The following CEACAM20 variants were observed in gnomAD, a reference collection of about 807,000 sequenced individuals.
The protein encoded by CEACAM20 is CEA cell adhesion molecule 20.
In CEACAM20, 50 loss-of-function variants were observed where a neutral mutation model predicts 61.2. That is an observed-to-expected ratio of 0.82 (90% CI 0.65 to 1.03). The LOEUF (loss-of-function observed/expected upper bound fraction) is 1.03. Ranked by LOEUF, CEACAM20 falls within the 50% of genes least tolerant of loss-of-function variation. The probability of loss-of-function intolerance (pLI) is 0.00; values close to 1 mark genes in which losing one functional copy is unlikely to be tolerated. For missense variants in CEACAM20, 683 were observed against 736.4 expected (o/e 0.93, Z 0.84); for synonymous variants, 282 against 287.7 (o/e 0.98, Z 0.20).
Position 44,517,079 on chromosome 19 carries a change from G to A in CEACAM20, c.1176C>T (p.Ser392=). 2 of 1,609,986 alleles carry A rather than the reference G, an allele frequency of 1.2e-6. No homozygotes were observed. Among genetic ancestry groups the A allele is most frequent in the South Asian group, 1.1e-5 (1 of 90,158 alleles). Residue 392 remains serine (S), a synonymous_variant, in exon 6 of 12, where the codon TCC becomes TCT. Coordinates refer to ENST00000614924, the MANE Select transcript of CEACAM20 (RefSeq NM_001102597.3). The part of the protein sequence containing the change: ...GAEYRWTLEH[S]TGEHLGEQLI... The stretch of plus-strand genomic sequence containing the variant: ...GCTGCTCACCCAGGTGCTCCCCGGT[G>A]GAGTGTTCAAGAGTCCAGCGATACT...
intron 6 of CEACAM20, 105 bp from the exon 7 acceptor site, chr19:44,513,394 A>C: frequency 3.0e-6 from 2 of 673,438 alleles, no homozygotes; most frequent in South Asian, 2.2e-5. Context: ...TTTTGTGAGC[A>C]CTTGTTTTCC....
intron 1 of CEACAM20, among the ~76,000 whole-genome samples, chr19:44,525,766 G>A (rs1313321932): frequency 6.6e-6 from 1 of 152,134 alleles, no homozygotes; most frequent in Non-Finnish European, 1.5e-5. Context: ...TCCTCTCTGA[G>A]CCTCAATCTC....
At chr19:44,529,349 CGA>C (rs1971639784) in intron 1 of CEACAM20, 107 bp downstream of exon 1, 4 of 950,076 alleles carry the variant, frequency 4.2e-6, no homozygotes, top group African/African-American at 2.3e-5. Context: ...TCTTTTTCCT[CGA>C]GTGCACACAC....
At chr19:44,518,121 AG>A (rs1339283427) in intron 5 of CEACAM20, among the ~76,000 whole-genome samples, 10 of 72,462 alleles carry the variant, frequency 1.4e-4, no homozygotes, top group Admixed American at 5.4e-4. Context: ...GAAGGAAGGA[AG>A]GAAGGAAGGA....
At chr19:44,525,357 A>G in intron 1 of CEACAM20, 113 bp from the exon 2 acceptor site, 2 of 975,258 alleles carry the variant, frequency 2.1e-6, no homozygotes, top group Non-Finnish European at 3.0e-6. Context: ...CATTCCACCC[A>G]CAGAGACCTG....
chr19:44,512,972 C>T lies in CEACAM20; in HGVS notation c.1428-19G>A. ...TGAGGGCCTGAAACCCCAAAGCCCTCATTATTCTGTGCCTCTAGTCCTTGC... is the reference window on the plus strand; with the variant it reads ...TGAGGGCCTGAAACCCCAAAGCCCTTATTATTCTGTGCCTCTAGTCCTTGC... On this transcript the variant is annotated intron_variant, in intron 7 of 11. Transcript: ENST00000614924. 1 of 1,597,608 alleles carries T rather than the reference C, an allele frequency of 6.3e-7. No individual in the cohort carries two copies. Among genetic ancestry groups the T allele is most frequent in the East Asian group, 2.2e-5 (1 of 44,676 alleles).
In CEACAM20 at chr19:44,513,244, A is replaced by G. The variant is rs1971059167; in HGVS notation, c.1355T>C (p.Val452Ala). Residue 452 changes from valine (V) to alanine (A), a missense_variant, in exon 7 of 12, where the codon GTC becomes GCC. Val to Ala is a moderately conservative substitution (Grantham distance 64, BLOSUM62 0). Transcript: ENST00000614924. ...AGCAATGACAGCCAGGATCCCGATGACAATACCAGCGATGGCCCCTGAGGA... is the reference window on the plus strand; with the variant it reads ...AGCAATGACAGCCAGGATCCCGATGGCAATACCAGCGATGGCCCCTGAGGA... Reference protein sequence around the residue: ...SLSSGAIAGIVIGILAVIAVA... With the variant: ...SLSSGAIAGIAIGILAVIAVA... The G allele has an allele frequency of 1.9e-6, 3 of 1,613,858 alleles. No individual in the cohort carries two copies. Among genetic ancestry groups the G allele is most frequent in the Non-Finnish European group, 2.5e-6 (3 of 1,179,846 alleles).
chr19:44,524,236 G>A lies in CEACAM20; in HGVS notation c.222C>T (p.Val74=). The A allele has an allele frequency of 6.2e-7, 1 of 1,613,640 alleles. No individual in the cohort carries two copies. The highest frequency in any genetic ancestry group is 8.5e-7 in the Non-Finnish European group (1 of 1,179,706). The change falls in exon 3 of 12, where the codon GTC becomes GTT. Residue 74 remains valine (V), a synonymous_variant. Coordinates refer to ENST00000614924, the MANE Select transcript of CEACAM20 (RefSeq NM_001102597.3). ...TCTGCTCTATGGCAGTGCCTGGGCTGACTGCAATGGAGGGTTTGGCCAGCT... is the reference window on the plus strand; with the variant it reads ...TCTGCTCTATGGCAGTGCCTGGGCTAACTGCAATGGAGGGTTTGGCCAGCT... ...SRELAKPSIA[V]SPGTAIEQKD... is the part of the protein sequence containing the mutation.
At position 44,512,088 on chromosome 19, in the gene CEACAM20, G is replaced by T; in HGVS notation, c.1514-10C>A. On this transcript the variant is annotated splice_polypyrimidine_tract_variant and intron_variant, in intron 8 of 11. Coordinates refer to ENST00000614924, the MANE Select transcript of CEACAM20 (RefSeq NM_001102597.3). ...TCAGGACTCAGGCTTTCTAGAAAAA[G>T]TGAATCTCAGTCAGGAGCTGGAGTT... 6.2e-7 allele frequency: 1 copy of T among 1,600,426 alleles called. No homozygotes were observed. Among genetic ancestry groups the T allele is most frequent in the Admixed American group, 1.7e-5 (1 of 58,064 alleles).
At chr19:44,528,696 A>G (rs1472795489) in intron 1 of CEACAM20, among the ~76,000 whole-genome samples, 1 of 151,288 alleles carries the variant, frequency 6.6e-6, no homozygotes, top group African/African-American at 2.4e-5. Context: ...ACAAACACAC[A>G]TCTTTGTCTT....
chr19:44,512,784 TG>T (rs1425353183), intron 8 of CEACAM20, 83 bp downstream of exon 8: 1 of 1,084,252 alleles, frequency 9.2e-7, no homozygotes, highest in Non-Finnish European at 1.4e-6. Context: ...AGTGACCTGG[TG>T]GCAAAGCTGG....
Position 44,524,297 on chromosome 19 carries a change from A to G in CEACAM20, c.197-36T>C, listed in dbSNP as rs756947374. The G allele has an allele frequency of 1.8e-5, 29 of 1,581,860 alleles. 2 individuals carry two copies. In the South Asian group the frequency reaches 3.0e-4, roughly 17 times the overall value. On this transcript the variant is annotated intron_variant, in intron 2 of 11. Transcript: ENST00000614924. Reference sequence around the variant, plus strand: ...GCGAGGGAGACAGAGGCAGAGACACAGGTAGAGGAAGAACAAACAAGACAT... The same window carrying G: ...GCGAGGGAGACAGAGGCAGAGACACGGGTAGAGGAAGAACAAACAAGACAT...
At chr19:44,520,228 A>G (rs1010989436) in intron 5 of CEACAM20, among the ~76,000 whole-genome samples, 2 of 152,008 alleles carry the variant, frequency 1.3e-5, no homozygotes, top group East Asian at 1.9e-4. Flanking sequence ...GGCCAGTGAG[A>G]CCCTGTGAAA....
intron 4 of CEACAM20, 104 bp from the exon 5 acceptor site, chr19:44,520,856 G>T: frequency 9.4e-7 from 1 of 1,058,950 alleles, no homozygotes; most frequent in East Asian, 2.4e-5. Context: ...GTGTGTGTGT[G>T]TGTGTGTGTG....
chr19:44,520,511 G>C lies in CEACAM20; in HGVS notation c.993C>G (p.Ser331Arg). 3.1e-6 allele frequency: 5 copies of C among 1,613,628 alleles called. No individual in the cohort carries two copies. In the South Asian group the frequency reaches 5.5e-5, roughly 18 times the overall value. ...PYACEVWNWG[S>R]RARSEPLELT... ...GCTCAAGGGGCTCACTCCGGGCCCG[G>C]CTGCCCCAGTTCCAGACCTCACAGG... Residue 331 changes from serine (S) to arginine (R), a missense_variant, in exon 5 of 12, where the codon AGC (serine) becomes AGG (arginine). Ser to Arg is a moderately radical substitution (Grantham distance 110). Transcript: ENST00000614924.
chr19:44,514,761 A>C (rs911015127), intron 6 of CEACAM20, among the ~76,000 whole-genome samples: 1 of 151,776 alleles, frequency 6.6e-6, no homozygotes, highest in African/African-American at 2.4e-5. Context: ...GCCTGGCCGC[A>C]TCTCCATTTC....
intron 4 of CEACAM20, 66 bp from the exon 5 acceptor site, chr19:44,520,818 G>T: frequency 6.5e-7 from 1 of 1,531,404 alleles, no homozygotes; most frequent in Non-Finnish European, 8.8e-7. Flanking sequence ...CCCTTGTGGG[G>T]CCCACAAGTT....
At position 44,511,217 on chromosome 19, in the gene CEACAM20, C is replaced by T. The variant is rs939635420; in HGVS notation, c.1612-62G>A. 3 of 1,592,060 alleles carry T rather than the reference C, an allele frequency of 1.9e-6. No individual in the cohort carries two copies. In the South Asian group the frequency reaches 3.4e-5, roughly 18 times the overall value. ...ACACAGATTGCCAGGAATGTACCAA[C>T]TTACACTCTTCAGGGACCGAGAGAG... On this transcript the variant is annotated intron_variant, in intron 10 of 11. Transcript: ENST00000614924.
rs758624982 is a variant in CEACAM20, at chr19:44,522,617, C to T, written c.751+17G>A. 2.2e-5 allele frequency: 36 copies of T among 1,606,898 alleles called. No homozygotes were observed. Among genetic ancestry groups the T allele is most frequent in the Admixed American group, 1.3e-4 (8 of 59,462 alleles). ...GCTCAGAAGAATGAAGGAGAGGAACCGGGAAAGGAGACTCACCAAGTACTC... is the reference window on the plus strand; with the variant it reads ...GCTCAGAAGAATGAAGGAGAGGAACTGGGAAAGGAGACTCACCAAGTACTC... On this transcript the variant is annotated intron_variant, in intron 4 of 11. Coordinates refer to ENST00000614924, the MANE Select transcript of CEACAM20 (RefSeq NM_001102597.3).
Sources: allele counts gnomAD v4.1 joint callset (sites outside exome capture counted in the v4.1 genomes callset), GRCh38; gene constraint gnomAD v4.1.1; transcripts MANE v1.5; gene names NCBI Gene and HGNC (gene_info 2026-07-23, HGNC 2026-07-21).